The following KCNIP4 variants were observed in gnomAD, a reference collection of about 807,000 sequenced individuals.
The protein encoded by KCNIP4 is potassium voltage-gated channel interacting protein 4.
Under a neutral mutation model 34.0 loss-of-function variants are expected in KCNIP4, and 12 were observed. The ratio of observed to expected loss-of-function variants is 0.35; its 90% CI spans 0.23 to 0.57. The LOEUF is 0.57. Ranked by LOEUF, KCNIP4 falls within the 20% of genes least tolerant of loss-of-function variation. The pLI, the probability that KCNIP4 is intolerant of heterozygous loss-of-function variation, is 0.83. For synonymous variants in KCNIP4, 124 were observed against 102.2 expected (o/e 1.21, Z -1.29); for missense variants, 238 against 311.7 (o/e 0.76, Z 1.78).
intron 2 of KCNIP4, among the ~76,000 whole-genome samples, chr4:20,858,314 G>T (rs1375155241): frequency 6.6e-6 from 1 of 150,732 alleles, no homozygotes; most frequent in African/African-American, 2.4e-5. Context: ...ATGGCTCACA[G>T]CTGGTACCTT....
intron 1 of KCNIP4, among the ~76,000 whole-genome samples, chr4:21,936,240 G>A (rs2109014220): frequency 6.6e-6 from 1 of 152,086 alleles, no homozygotes; most frequent in Middle Eastern, 3.4e-3. Context: ...ATTGAATCAT[G>A]GGGCGGTCCC....
chr4:21,089,632 A>C (rs1406214672), intron 1 of KCNIP4, among the ~76,000 whole-genome samples: 2 of 152,196 alleles, frequency 1.3e-5, no homozygotes, highest in Non-Finnish European at 2.9e-5. Context: ...AAAAGTAAAA[A>C]ACTGGGAAAG....
At chr4:21,257,674 C>T (rs1309855745) in intron 1 of KCNIP4, among the ~76,000 whole-genome samples, 1 of 151,328 alleles carries the variant, frequency 6.6e-6, no homozygotes, top group Non-Finnish European at 1.5e-5. Flanking sequence ...TGCTTGAACC[C>T]AGGAGGCGGA....
chr4:21,257,698 C>A (rs768395151), intron 1 of KCNIP4, among the ~76,000 whole-genome samples: 11 of 150,280 alleles, frequency 7.3e-5, no homozygotes. Flanking sequence ...TGCAGTGAGC[C>A]GAGATCATGC....
At chr4:21,834,643 G>T (rs1013460765) in intron 1 of KCNIP4, among the ~76,000 whole-genome samples, 7 of 152,108 alleles carry the variant, frequency 4.6e-5, no homozygotes, top group African/African-American at 1.4e-4. Context: ...AATAGGACTG[G>T]TGAGAGAGGG....
chr4:21,328,666 G>A (rs1319488842), intron 1 of KCNIP4, among the ~76,000 whole-genome samples: 1 of 152,216 alleles, frequency 6.6e-6, no homozygotes, highest in African/African-American at 2.4e-5. Context: ...CTTCCCTTCA[G>A]GGCGGCAAGT....
intron 3 of KCNIP4, among the ~76,000 whole-genome samples, chr4:20,833,393 G>A (rs892052404): frequency 3.9e-5 from 6 of 152,108 alleles, no homozygotes; most frequent in African/African-American, 1.4e-4. Flanking sequence ...GCTGAGGCAG[G>A]AGAATCACTT....
chr4:21,354,405 T>C (rs1162871191), intron 1 of KCNIP4, among the ~76,000 whole-genome samples: 1 of 151,994 alleles, frequency 6.6e-6, no homozygotes, highest in Non-Finnish European at 1.5e-5. Flanking sequence ...AGGAGACCCA[T>C]CTCACCTGCA....
At chr4:20,830,568 T>A (rs1417427519) in intron 3 of KCNIP4, among the ~76,000 whole-genome samples, 1 of 152,222 alleles carries the variant, frequency 6.6e-6, no homozygotes, top group African/African-American at 2.4e-5. Flanking sequence ...CAGCTACTAA[T>A]TAGCTATATG....
intron 1 of KCNIP4, among the ~76,000 whole-genome samples, chr4:21,276,433 T>G (rs557716583): frequency 6.6e-6 from 1 of 151,020 alleles, no homozygotes; most frequent in East Asian, 2.0e-4. Flanking sequence ...AACGCTTGAC[T>G]TCAAGTAGTG....
At chr4:21,213,653 C>G (rs2108983710) in intron 1 of KCNIP4, among the ~76,000 whole-genome samples, 1 of 152,280 alleles carries the variant, frequency 6.6e-6, no homozygotes, top group South Asian at 2.1e-4. Flanking sequence ...AATCCTCCAG[C>G]CTCAGCCTCC....
At chr4:20,828,107 T>C (rs1044766946) in intron 3 of KCNIP4, among the ~76,000 whole-genome samples, 1 of 152,150 alleles carries the variant, frequency 6.6e-6, no homozygotes, top group Non-Finnish European at 1.5e-5. Flanking sequence ...TGTACATCCT[T>C]TGGAAAGTCC....
intron 2 of KCNIP4, 70 bp downstream of exon 2, chr4:20,882,538 A>C: frequency 1.5e-5 from 14 of 950,284 alleles, no homozygotes; most frequent in Non-Finnish European, 2.0e-5. Context: ...AGAGAACGGC[A>C]ATGCATGCAG....
intron 2 of KCNIP4, 56 bp from the exon 3 acceptor site, chr4:20,850,723 CA>C: frequency 6.4e-7 from 1 of 1,572,242 alleles, no homozygotes; most frequent in African/African-American, 1.4e-5. Context: ...CCGATGCTTA[CA>C]CAGAGCAACA....
At chr4:21,415,410 C>T (rs559138020) in intron 1 of KCNIP4, among the ~76,000 whole-genome samples, 7 of 151,706 alleles carry the variant, frequency 4.6e-5, no homozygotes. Context: ...TAATATTGCA[C>T]AACTAAATAT....
chr4:21,291,080 G>A (rs1007916815), intron 1 of KCNIP4, among the ~76,000 whole-genome samples: 2 of 151,596 alleles, frequency 1.3e-5, no homozygotes, highest in Admixed American at 6.6e-5. Context: ...CAAAGGCACA[G>A]CATGTTCCAT....
chr4:21,018,088 A>G (rs1342992705), intron 1 of KCNIP4, among the ~76,000 whole-genome samples: 2 of 152,214 alleles, frequency 1.3e-5, no homozygotes, highest in East Asian at 1.9e-4. Context: ...TGAAAAATCA[A>G]TTTGAATGCA....
chr4:21,153,592 C>T (rs939753848), intron 1 of KCNIP4, among the ~76,000 whole-genome samples: 14 of 150,208 alleles, frequency 9.3e-5, no homozygotes, highest in African/African-American at 3.2e-4. Flanking sequence ...TTTCTTATAG[C>T]TCTCTATATA....
At chr4:20,838,382 A>G (rs540639486) in intron 3 of KCNIP4, among the ~76,000 whole-genome samples, 2 of 152,318 alleles carry the variant, frequency 1.3e-5, no homozygotes, top group Non-Finnish European at 1.5e-5. Context: ...AGGAATATTA[A>G]CCAGAAAAAT....
Sources: allele counts gnomAD v4.1 joint callset (sites outside exome capture counted in the v4.1 genomes callset), GRCh38; gene constraint gnomAD v4.1.1; transcripts MANE v1.5; gene names NCBI Gene and HGNC (gene_info 2026-07-23, HGNC 2026-07-21).